Variants in LMF1 observed in about 807,000 individuals in gnomAD.
The protein encoded by LMF1 is lipase maturation factor 1.
A neutral mutation model predicts 60.6 loss-of-function variants in LMF1; 68 were observed. The observed-to-expected ratio is 1.12, with a 90% CI of 0.92 to 1.37. The LOEUF (loss-of-function observed/expected upper bound fraction) is 1.37, where lower values mean the gene tolerates loss of function less well. Among genes scored for constraint, LMF1 ranks in the 40% most tolerant of loss-of-function variants. LMF1 has a pLI of 0.00. For missense variants in LMF1, 948 were observed against 767.2 expected (o/e 1.24, Z -2.78); for synonymous variants, 418 against 324.7 (o/e 1.29, Z -3.09).
At chr16:872,877 G>C (rs1169373298) in intron 6 of LMF1, 1 of 152,304 alleles carries the variant, frequency 6.6e-6, no homozygotes, top group Non-Finnish European at 1.5e-5. Context: ...GGCCATGCCA[G>C]AACCATCAGG....
chr16:977,987 TACACGCAC>T (rs1449046564), intron 1 of LMF1, among the ~76,000 whole-genome samples: 6 of 25,720 alleles, frequency 2.3e-4, no homozygotes, highest in African/African-American at 8.5e-4. Context: ...ACCACACACA[TACACGCAC>T]ACACACACAC....
At chr16:941,418 C>T (rs2072098520) in intron 2 of LMF1, among the ~76,000 whole-genome samples, 1 of 152,096 alleles carries the variant, frequency 6.6e-6, no homozygotes. Context: ...TGAGGCTTCA[C>T]CATGTTGGCC....
intron 1 of LMF1, among the ~76,000 whole-genome samples, chr16:963,095 G>A (rs956904914): frequency 6.6e-6 from 1 of 152,016 alleles, no homozygotes; most frequent in African/African-American, 2.4e-5. Context: ...GACACAGGGC[G>A]GGACACAGAC....
intron 3 of LMF1, 113 bp downstream of exon 3, chr16:934,131 G>A: frequency 6.3e-7 from 1 of 1,580,244 alleles, no homozygotes; most frequent in Non-Finnish European, 8.5e-7. Context: ...ATACTGGGAA[G>A]GCTGATGGCA....
chr16:971,055 C>A (rs2073042642), upstream of LMF1: 36 of 1,326,520 alleles, frequency 2.7e-5, no homozygotes, highest in Non-Finnish European at 3.4e-5. Flanking sequence ...CCCCGCCTCT[C>A]CCTGGCCGGC....
rs915327475 is a variant in LMF1, at chr16:907,349, C to T, written c.663+3582G>A. Among the ~76,000 whole-genome samples, 8 of 151,762 alleles carry T rather than the reference C, an allele frequency of 5.3e-5. No individual in the cohort carries two copies. The South Asian group carries it at 8.3e-4, about 16-fold the overall frequency. ...CCAGGAGGCAGAGCTTGCAGTGAGC[C>T]GAGATCGTGCCACTACACTCCAGCC... On this transcript the variant is annotated intron_variant, in intron 4 of 10. Transcript: ENST00000262301.
At chr16:915,593 C>T (rs1045295208) in intron 3 of LMF1, among the ~76,000 whole-genome samples, 8 of 152,116 alleles carry the variant, frequency 5.3e-5, no homozygotes, top group East Asian at 1.9e-4. Flanking sequence ...GCTGGGCAGC[C>T]GGCAGCACAC....
At chr16:921,912 CA>C (rs2071442270) in intron 3 of LMF1, among the ~76,000 whole-genome samples, 1 of 152,104 alleles carries the variant, frequency 6.6e-6, no homozygotes, top group Admixed American at 6.5e-5. Flanking sequence ...AATTTAAAAA[CA>C]AAACATAAGT....
intron 4 of LMF1, among the ~76,000 whole-genome samples, chr16:909,027 C>G (rs958831144): frequency 2.6e-5 from 4 of 152,144 alleles, no homozygotes; most frequent in African/African-American, 9.7e-5. Context: ...GGGTCTCCTG[C>G]TAGTGCAGCT....
intron 2 of LMF1, chr16:952,746 C>T (rs1294211053): frequency 6.5e-6 from 1 of 154,928 alleles, no homozygotes; most frequent in African/African-American, 2.4e-5. Context: ...AGAGCCAGCG[C>T]ATCCCCAGCT....
intron 3 of LMF1, chr16:931,937 A>G: frequency 1.6e-6 from 1 of 633,614 alleles, no homozygotes; most frequent in African/African-American, 1.9e-5. Context: ...TATGACGCTC[A>G]CCTGAAAACA....
chr16:908,755 C>T (rs968644111), intron 4 of LMF1, among the ~76,000 whole-genome samples: 10 of 152,244 alleles, frequency 6.6e-5, no homozygotes, highest in African/African-American at 2.4e-4. Context: ...CAGTGAGGAC[C>T]TAGAGTAAGC....
At chr16:965,330 G>A (rs1351753587) in intron 1 of LMF1, among the ~76,000 whole-genome samples, 2 of 152,210 alleles carry the variant, frequency 1.3e-5, no homozygotes, top group African/African-American at 2.4e-5. Flanking sequence ...GGCATGCGGT[G>A]TTTGGAACAC....
chr16:951,457 G>A (rs865841227), intron 2 of LMF1, among the ~76,000 whole-genome samples: 3 of 150,610 alleles, frequency 2.0e-5, no homozygotes, highest in African/African-American at 5.0e-5. Context: ...GCAAGGCTGC[G>A]TGGCTTTATG....
intron 5 of LMF1, among the ~76,000 whole-genome samples, chr16:888,903 C>G (rs961458326): frequency 1.3e-5 from 2 of 152,176 alleles, no homozygotes; most frequent in South Asian, 4.1e-4. Context: ...GCGTCCTCAG[C>G]TGGGACAGGA....
At chr16:856,617 T>TG (rs2069191360) in intron 10 of LMF1, among the ~76,000 whole-genome samples, 1 of 152,222 alleles carries the variant, frequency 6.6e-6, no homozygotes, top group East Asian at 1.9e-4. Context: ...GCCCAGGGCC[T>TG]GGTCTCTGAC....
At chr16:863,324 T>C (rs935893201) in intron 10 of LMF1, among the ~76,000 whole-genome samples, 2 of 152,142 alleles carry the variant, frequency 1.3e-5, no homozygotes, top group Admixed American at 1.3e-4. Context: ...GTATTTTTAG[T>C]AGAGACCGGG....
chr16:969,709 G>A (rs754938095), intron 1 of LMF1, among the ~76,000 whole-genome samples: 28 of 152,240 alleles, frequency 1.8e-4, no homozygotes, highest in Non-Finnish European at 4.0e-4. Flanking sequence ...GACGGTGACT[G>A]CCCACGCGCC....
intron 2 of LMF1, among the ~76,000 whole-genome samples, chr16:940,703 G>C (rs1317132517): frequency 6.6e-6 from 1 of 152,210 alleles, no homozygotes; most frequent in Non-Finnish European, 1.5e-5. Context: ...AACCGCAACC[G>C]TGTTAAACCT....
Sources: gnomAD v4.1 joint callset for allele counts (sites outside exome capture counted in the v4.1 genomes callset) on GRCh38, gnomAD v4.1.1 for gene constraint, MANE v1.5 for transcripts, NCBI Gene and HGNC (gene_info 2026-07-23, HGNC 2026-07-21) for gene names.